TIAM2: variants seen among roughly 807,000 people sequenced by gnomAD.
TIAM2 encodes rho guanine nucleotide exchange factor TIAM2.
In TIAM2, 80 loss-of-function variants were observed where a neutral mutation model predicts 152.9. The observed-to-expected ratio is 0.52, with a 90% confidence interval of 0.44 to 0.63. The LOEUF is 0.63. Among genes scored for constraint, TIAM2 ranks in the 30% least tolerant of loss-of-function variants. The probability of loss-of-function intolerance (pLI) is 0.00; values close to 1 mark genes in which losing one functional copy is unlikely to be tolerated. For missense variants in TIAM2, 1,965 were observed against 2,120.1 expected, an observed-to-expected ratio of 0.93 and a Z score of 1.44; for synonymous variants, 804 against 838.0, an observed-to-expected ratio of 0.96 and a Z score of 0.70.
At chr6:155,121,016 T>A (rs1779137709) in intron 2 of TIAM2, among the ~76,000 whole-genome samples, 1 of 152,178 alleles carries the variant, frequency 6.6e-6, no homozygotes, top group Admixed American at 6.5e-5. Flanking sequence ...GATAGACTGC[T>A]TGCAAATTAG....
chr6:155,045,355 C>T (rs1039344469), intron 1 of TIAM2, among the ~76,000 whole-genome samples: 2 of 151,936 alleles, frequency 1.3e-5, no homozygotes, highest in Non-Finnish European at 2.9e-5. Context: ...AGCCACCACG[C>T]CCGGCAGAAA....
At chr6:155,136,941 A>T (rs1779568928) in intron 4 of TIAM2, among the ~76,000 whole-genome samples, 2 of 152,184 alleles carry the variant, frequency 1.3e-5, no homozygotes, top group South Asian at 4.1e-4. Flanking sequence ...AGCCATTTGT[A>T]TTTTATTTAC....
At chr6:155,039,667 A>T (rs1420736674) in intron 1 of TIAM2, among the ~76,000 whole-genome samples, 1 of 152,016 alleles carries the variant, frequency 6.6e-6, no homozygotes, top group African/African-American at 2.4e-5. Flanking sequence ...TCTTAAAAAA[A>T]TACAAAAAGA....
intron 1 of TIAM2, among the ~76,000 whole-genome samples, chr6:155,030,002 C>G (rs956045625): frequency 2.6e-5 from 4 of 151,952 alleles, no homozygotes; most frequent in African/African-American, 9.7e-5. Context: ...CCATGTTGCC[C>G]AGGCTGGTCT....
chr6:155,000,963 G>A (rs1247088975), intron 1 of TIAM2, among the ~76,000 whole-genome samples: 2 of 152,126 alleles, frequency 1.3e-5, no homozygotes, highest in African/African-American at 4.8e-5. Flanking sequence ...CAGCCTGGGC[G>A]ACAGAGCGAG....
chr6:155,168,681 C>T lies in TIAM2; in HGVS notation c.2361+3272C>T, dbSNP rs530958606. Among the ~76,000 whole-genome samples, 16 of 152,122 alleles carry T rather than the reference C, an allele frequency of 1.1e-4. No individual in the cohort carries two copies. In the South Asian group the frequency reaches 1.9e-3, roughly 18 times the overall value. ...CATAAAAAAGTAAAACGTAACTATG[C>T]GGGAAATAAAAACTTTAAGTGTATT... On this transcript the variant is annotated intron_variant, in intron 9 of 26. Transcript: ENST00000682666.
intron 9 of TIAM2, 92 bp downstream of exon 9, chr6:155,165,501 T>C (rs1411569362): frequency 6.7e-7 from 1 of 1,492,712 alleles, no homozygotes; most frequent in Non-Finnish European, 9.0e-7. Flanking sequence ...GTTCATTCTC[T>C]GTTAAGAATG....
At position 155,068,602 on chromosome 6, in the gene TIAM2, G is replaced by A. The variant is rs75028229; in HGVS notation, c.-208-21687G>A. On this transcript the variant is annotated intron_variant, in intron 1 of 26. Transcript: ENST00000682666. ...GGAGTAGCTGGGATTACAGGCACCC[G>A]CCCCCCCATCACGTCTGGCTAATTT... Among the ~76,000 whole-genome samples, 9 of 143,260 alleles carry A rather than the reference G, an allele frequency of 6.3e-5. 1 individual carries two copies. The highest frequency in any genetic ancestry group is 1.1e-4 in the Non-Finnish European group (7 of 64,730). The allele number at this position is 143,260 out of a possible 152,430, so 94.0% of individuals were successfully genotyped here.
intron 1 of TIAM2, among the ~76,000 whole-genome samples, chr6:155,071,851 G>A (rs1470540824): frequency 6.0e-5 from 9 of 150,464 alleles, no homozygotes; most frequent in African/African-American, 9.8e-5. Flanking sequence ...AACCGAGATC[G>A]CGTCACTGCA....
intron 1 of TIAM2, among the ~76,000 whole-genome samples, chr6:155,021,407 G>A (rs1052357155): frequency 2.0e-5 from 3 of 151,884 alleles, no homozygotes; most frequent in Non-Finnish European, 2.9e-5. Context: ...GATTGCAGAC[G>A]CCTGCCACCG....
chr6:155,082,666 C>CAAATAAATAAATA (rs1554228918), intron 1 of TIAM2, among the ~76,000 whole-genome samples: 1 of 141,348 alleles, frequency 7.1e-6, no homozygotes, highest in African/African-American at 2.7e-5. Context: ...AAAAAAACCC[C>CAAATAAATAAATA]AATAAATAAA....
At chr6:155,083,572 G>A (rs1778117565) in intron 1 of TIAM2, among the ~76,000 whole-genome samples, 1 of 152,138 alleles carries the variant, frequency 6.6e-6, no homozygotes, top group African/African-American at 2.4e-5. Flanking sequence ...TATTGCACAA[G>A]CCTCCCCAGA....
chr6:155,169,347 T>C (rs561222368), intron 9 of TIAM2, among the ~76,000 whole-genome samples: 23 of 152,338 alleles, frequency 1.5e-4, no homozygotes, highest in African/African-American at 5.3e-4. Flanking sequence ...CATGAACTCC[T>C]TGAAAATAGA....
At position 155,226,621 on chromosome 6, in the gene TIAM2, T is replaced by C. The variant is rs1043011876; in HGVS notation, c.3169-13909T>C. ...CGGAGGTTGCAGTGAGCAGAGATCGTGCCACTGCACTCCAGCCTGAGCAAC... is the reference window on the plus strand; with the variant it reads ...CGGAGGTTGCAGTGAGCAGAGATCGCGCCACTGCACTCCAGCCTGAGCAAC... On this transcript the variant is annotated intron_variant, in intron 15 of 26. Transcript: ENST00000682666. Among the ~76,000 whole-genome samples the C allele has an allele frequency of 6.6e-5, 9 of 135,742 alleles. No homozygotes were observed. The East Asian group carries it at 1.9e-3, about 29-fold the overall frequency. 89.1% of individuals were successfully genotyped at this position (135,742 alleles called of 152,430 possible).
chr6:155,172,806 T>C (rs1780662900), intron 9 of TIAM2, among the ~76,000 whole-genome samples: 1 of 148,358 alleles, frequency 6.7e-6, no homozygotes, highest in African/African-American at 2.5e-5. Context: ...GTTAAAAAGG[T>C]TAATTTAACA....
intron 9 of TIAM2, among the ~76,000 whole-genome samples, chr6:155,173,167 G>A (rs1780671492): frequency 1.6e-5 from 2 of 121,302 alleles, no homozygotes; most frequent in Admixed American, 1.7e-4. Context: ...CATTTGTGAG[G>A]GTTGTGTGTG....
chr6:155,148,341 T>A lies in TIAM2; in HGVS notation c.2028+7T>A. The A allele has an allele frequency of 6.2e-7, 1 of 1,609,114 alleles. No individual in the cohort carries two copies. ...GAAAGCCATAGAGAACCAGGTACTGTTTGTCTACACCTGAGTTTTCTTCCA... is the reference window on the plus strand; with the variant it reads ...GAAAGCCATAGAGAACCAGGTACTGATTGTCTACACCTGAGTTTTCTTCCA... On this transcript the variant is annotated splice_region_variant and intron_variant, in intron 7 of 26. Transcript: ENST00000682666.
At chr6:155,235,609 TCTCCTTTTGGGGGCCCTGC>T (rs1465119316) in intron 15 of TIAM2, among the ~76,000 whole-genome samples, 9 of 152,202 alleles carry the variant, frequency 5.9e-5, no homozygotes, top group Non-Finnish European at 1.2e-4. Context: ...TAATTACTCT[TCTCCTTTTGGGGGCCCTGC>T]CTCCTTTTGG....
intron 6 of TIAM2, among the ~76,000 whole-genome samples, chr6:155,146,743 AG>A (rs1779826693): frequency 1.4e-5 from 2 of 148,120 alleles, no homozygotes; most frequent in South Asian, 4.4e-4. Flanking sequence ...CTGGGATTAC[AG>A]GTGCCCGCCG....
Sources: gnomAD v4.1 joint callset for allele counts (sites outside exome capture counted in the v4.1 genomes callset) on GRCh38, gnomAD v4.1.1 for gene constraint, MANE v1.5 for transcripts, NCBI Gene and HGNC (gene_info 2026-07-23, HGNC 2026-07-21) for gene names.